FREM2: variants seen among roughly 807,000 people sequenced by gnomAD.
The protein encoded by FREM2 is FRAS1-related extracellular matrix protein 2.
A neutral mutation model predicts 219.9 loss-of-function variants in FREM2; 119 were observed. The ratio of observed to expected loss-of-function variants is 0.54; its 90% CI spans 0.47 to 0.63. The LOEUF (loss-of-function observed/expected upper bound fraction) is 0.63. Ranked by LOEUF, FREM2 falls within the 30% of genes least tolerant of loss-of-function variation. FREM2 has a pLI of 0.00. For synonymous variants in FREM2, 1,562 were observed against 1,522.8 expected, an observed-to-expected ratio of 1.03 and a Z score of -0.60; for missense variants, 4,030 against 3,993.6, an observed-to-expected ratio of 1.01 and a Z score of -0.25.
intron 2 of FREM2, among the ~76,000 whole-genome samples, chr13:38,752,778 CA>C: frequency 6.6e-6 from 1 of 152,222 alleles, no homozygotes; most frequent in Admixed American, 6.5e-5. Flanking sequence ...TACTGTTATA[CA>C]AATAGGAATT....
chr13:38,741,015 G>C (rs1483949975), intron 2 of FREM2, among the ~76,000 whole-genome samples: 1 of 152,148 alleles, frequency 6.6e-6, no homozygotes, highest in Non-Finnish European at 1.5e-5. Flanking sequence ...AGTAATATTA[G>C]AGTATGTGTT....
intron 10 of FREM2, 25 bp downstream of exon 10, chr13:38,851,133 C>A: frequency 6.2e-7 from 1 of 1,609,454 alleles, no homozygotes; most frequent in South Asian, 1.1e-5. Context: ...TTTGTTTGTT[C>A]AACTGTAAAT....
Position 38,856,270 on chromosome 13 carries a change from T to G in FREM2, c.7056+14T>G. On this transcript the variant is annotated intron_variant, in intron 12 of 23. Coordinates refer to ENST00000280481, the MANE Select transcript of FREM2 (RefSeq NM_207361.6). ...GCAGAGATGCAGGTAAGTAATGTAA[T>G]GTGTATGTAAATTCATGGCTAGCAG... 1 of 1,609,740 alleles carries G rather than the reference T, an allele frequency of 6.2e-7. No individual in the cohort carries two copies. Among genetic ancestry groups the G allele is most frequent in the Non-Finnish European group, 8.5e-7 (1 of 1,176,844 alleles).
At chr13:38,816,500 G>A (rs1483822458) in intron 6 of FREM2, among the ~76,000 whole-genome samples, 1 of 152,078 alleles carries the variant, frequency 6.6e-6, no homozygotes, top group Non-Finnish European at 1.5e-5. Context: ...TTCAATAGAG[G>A]CAGAAAAAGC....
intron 4 of FREM2, among the ~76,000 whole-genome samples, chr13:38,773,075 A>T (rs118111556): frequency 1.3e-5 from 2 of 152,282 alleles, no homozygotes; most frequent in Non-Finnish European, 2.9e-5. Context: ...TTACAATGCC[A>T]TGTATCCATA....
intron 2 of FREM2, among the ~76,000 whole-genome samples, chr13:38,736,700 A>G (rs140314157): frequency 6.6e-6 from 1 of 152,314 alleles, no homozygotes; most frequent in East Asian, 1.9e-4. Flanking sequence ...AGAAAAAATT[A>G]ATGGGTAGTC....
Position 38,689,654 on chromosome 13 carries a change from G to A in FREM2, c.2310G>A (p.Val770=). 3 of 1,613,980 alleles carry A rather than the reference G, an allele frequency of 1.9e-6. No homozygotes were observed. The highest frequency in any genetic ancestry group is 1.7e-6 in the Non-Finnish European group (2 of 1,180,006). ...TLVLTDNPSV[V]VTHFTQAQIN... is the part of the protein sequence containing the mutation. ...TCTTGACTGACAACCCCTCAGTCGT[G>A]GTGACCCATTTTACCCAAGCCCAGA... The change falls in exon 1 of 24, where the codon GTG becomes GTA. Residue 770 remains valine, a synonymous_variant. Transcript: ENST00000280481.
chr13:38,874,900 G>C (rs1011014835), intron 18 of FREM2, among the ~76,000 whole-genome samples: 1 of 152,120 alleles, frequency 6.6e-6, no homozygotes, highest in Non-Finnish European at 1.5e-5. Context: ...TCTCTGCTTT[G>C]CTTCCATTGT....
chr13:38,711,679 A>G (rs1870774191), intron 2 of FREM2, among the ~76,000 whole-genome samples: 1 of 152,186 alleles, frequency 6.6e-6, no homozygotes. Context: ...ATATTCATGC[A>G]TAGATAGTTT....
intron 6 of FREM2, among the ~76,000 whole-genome samples, chr13:38,813,462 TTTTCTCTC>T (rs1875575936): frequency 8.4e-6 from 1 of 118,950 alleles, no homozygotes; most frequent in African/African-American, 3.2e-5. Context: ...ATGTTATTTG[TTTTCTCTC>T]TCTCTCTCTC....
In FREM2 at chr13:38,876,061, C is replaced by T; in HGVS notation, c.8321C>T (p.Pro2774Leu). 1 of 1,613,674 alleles carries T rather than the reference C, an allele frequency of 6.2e-7. No homozygotes were observed. Among genetic ancestry groups the T allele is most frequent in the Non-Finnish European group, 8.5e-7 (1 of 1,179,604 alleles). ...TSSVIMSADHPGLTFSLRLIR... is the reference protein window; with the variant it reads ...TSSVIMSADHLGLTFSLRLIR... ...TCAGTGATCATGTCAGCTGATCATC[C>T]AGGCCTGACATTTTCCCTCCGCCTC... Residue 2774 changes from proline (P) to leucine (L), a missense_variant, in exon 19 of 24, where the codon CCA (proline) becomes CTA (leucine). Coordinates refer to ENST00000280481, the MANE Select transcript of FREM2 (RefSeq NM_207361.6).
chr13:38,836,966 T>C (rs1876735916), intron 6 of FREM2, among the ~76,000 whole-genome samples: 3 of 152,214 alleles, frequency 2.0e-5, no homozygotes, highest in Admixed American at 2.0e-4. Context: ...ATCTTAGTTA[T>C]TTTTTGTCTT....
intron 6 of FREM2, among the ~76,000 whole-genome samples, chr13:38,824,891 G>T (rs549147718): frequency 6.6e-6 from 1 of 151,746 alleles, no homozygotes; most frequent in Non-Finnish European, 1.5e-5. Flanking sequence ...GGGGAAGGAC[G>T]GTTTTCATTT....
intron 6 of FREM2, among the ~76,000 whole-genome samples, chr13:38,845,695 G>C (rs1470676825): frequency 6.6e-6 from 1 of 152,018 alleles, no homozygotes; most frequent in Non-Finnish European, 1.5e-5. Context: ...TTTACAGTAA[G>C]ATCACAAATT....
rs374814953 is a variant in FREM2, at chr13:38,772,371, C to T, written c.5641+2563C>T. Reference sequence around the variant, plus strand: ...AAACAAGGTATGAAGAGTATTGGGACGTTTAGAAGAAGGAATAAACAACTC... The same window carrying T: ...AAACAAGGTATGAAGAGTATTGGGATGTTTAGAAGAAGGAATAAACAACTC... On this transcript the variant is annotated intron_variant, in intron 4 of 23. Coordinates refer to ENST00000280481, the MANE Select transcript of FREM2 (RefSeq NM_207361.6). Among the ~76,000 whole-genome samples, 23 of 152,170 alleles carry T rather than the reference C, an allele frequency of 1.5e-4. No individual in the cohort carries two copies. In the South Asian group the frequency reaches 1.7e-3, roughly 11 times the overall value.
intron 4 of FREM2, among the ~76,000 whole-genome samples, chr13:38,782,740 A>G (rs934377814): frequency 6.6e-6 from 1 of 152,234 alleles, no homozygotes; most frequent in Admixed American, 6.5e-5. Flanking sequence ...GTGGTGCTCC[A>G]TTGGAAGGTG....
intron 2 of FREM2, among the ~76,000 whole-genome samples, chr13:38,735,423 G>T (rs1871951113): frequency 6.6e-6 from 1 of 152,202 alleles, no homozygotes; most frequent in African/African-American, 2.4e-5. Flanking sequence ...TTAAAGAAAG[G>T]AATTATCTGC....
chr13:38,747,506 AC>A (rs1872536676), intron 2 of FREM2, among the ~76,000 whole-genome samples: 3 of 151,912 alleles, frequency 2.0e-5, no homozygotes, highest in Non-Finnish European at 4.4e-5. Context: ...ATACACACAC[AC>A]ACACACACAC....
intron 16 of FREM2, among the ~76,000 whole-genome samples, chr13:38,867,704 A>G (rs1878021533): frequency 6.6e-6 from 1 of 152,242 alleles, no homozygotes. Flanking sequence ...CCCAAGTCTA[A>G]ACACCAGAGA....
Sources: gnomAD v4.1 joint callset for allele counts (sites outside exome capture counted in the v4.1 genomes callset) on GRCh38, gnomAD v4.1.1 for gene constraint, MANE v1.5 for transcripts, NCBI Gene and HGNC (gene_info 2026-07-23, HGNC 2026-07-21) for gene names.